The following KCNN2 variants were observed in gnomAD, a reference collection of about 807,000 sequenced individuals.
KCNN2 encodes the protein small conductance calcium-activated potassium channel protein 2.
A neutral mutation model predicts 55.5 loss-of-function variants in KCNN2; 24 were observed. The ratio of observed to expected loss-of-function variants is 0.43; its 90% confidence interval spans 0.31 to 0.61. KCNN2 has a LOEUF of 0.61. KCNN2 is among the 20% of genes least tolerant of loss of function. KCNN2 has a pLI of 0.08. For synonymous variants in KCNN2, 431 were observed against 336.1 expected, an observed-to-expected ratio of 1.28 and a Z score of -3.09; for missense variants, 754 against 853.6, an observed-to-expected ratio of 0.88 and a Z score of 1.45.
At chr5:114,476,398 C>T (rs1234577821) in intron 5 of KCNN2, among the ~76,000 whole-genome samples, 1 of 151,370 alleles carries the variant, frequency 6.6e-6, no homozygotes, top group Non-Finnish European at 1.5e-5. Flanking sequence ...TCTTATAGGT[C>T]TGAGAAATAT....
chr5:114,440,620 G>T (rs1464248191), intron 3 of KCNN2, among the ~76,000 whole-genome samples: 2 of 133,588 alleles, frequency 1.5e-5, no homozygotes, highest in African/African-American at 5.5e-5. Context: ...CATGGTACAG[G>T]TGTGATTAGA....
chr5:114,419,738 C>A (rs1318812215), intron 3 of KCNN2, among the ~76,000 whole-genome samples: 1 of 152,132 alleles, frequency 6.6e-6, no homozygotes, highest in Non-Finnish European at 1.5e-5. Flanking sequence ...TGCCTGTTAT[C>A]CCAGCAATTG....
At chr5:114,248,800 A>G (rs909452675) in intron 2 of KCNN2, among the ~76,000 whole-genome samples, 4 of 152,204 alleles carry the variant, frequency 2.6e-5, no homozygotes, top group African/African-American at 9.7e-5. Context: ...CATAATATTA[A>G]CAAATTTTTT....
chr5:114,206,185 G>A (rs1252383277), intron 1 of KCNN2, among the ~76,000 whole-genome samples: 3 of 152,106 alleles, frequency 2.0e-5, no homozygotes, highest in African/African-American at 7.2e-5. Flanking sequence ...ATATGAAATA[G>A]GAATATTCTT....
At chr5:114,432,702 C>A (rs933071671) in intron 3 of KCNN2, among the ~76,000 whole-genome samples, 1 of 152,154 alleles carries the variant, frequency 6.6e-6, no homozygotes, top group Non-Finnish European at 1.5e-5. Context: ...GAGCGGGAAC[C>A]GGGGCTGTGC....
chr5:114,189,551 G>T (rs1753408015), intron 1 of KCNN2, among the ~76,000 whole-genome samples: 1 of 152,144 alleles, frequency 6.6e-6, no homozygotes, highest in South Asian at 2.1e-4. Flanking sequence ...GCACCCTGTT[G>T]TCCAATCAAA....
At chr5:114,276,328 G>T (rs1250940197) in intron 2 of KCNN2, among the ~76,000 whole-genome samples, 2 of 152,162 alleles carry the variant, frequency 1.3e-5, no homozygotes, top group Non-Finnish European at 2.9e-5. Context: ...GGAGAGTTCT[G>T]TATATGTCTA....
At chr5:114,359,139 T>G (rs912108143), upstream of KCNN2, among the ~76,000 whole-genome samples, 1 of 152,242 alleles carries the variant, frequency 6.6e-6, no homozygotes, top group Non-Finnish European at 1.5e-5. Context: ...TGATTTGCTC[T>G]CTGTCCAATC....
At chr5:114,073,951 T>C (rs913941784) in intron 1 of KCNN2, among the ~76,000 whole-genome samples, 4 of 152,226 alleles carry the variant, frequency 2.6e-5, no homozygotes, top group Admixed American at 2.6e-4. Flanking sequence ...ACATAGGGTT[T>C]CATTTAATAT....
chr5:114,392,551 T>A (rs1431062629), intron 2 of KCNN2, among the ~76,000 whole-genome samples: 1 of 152,214 alleles, frequency 6.6e-6, no homozygotes, highest in East Asian at 1.9e-4. Flanking sequence ...TTTGCTCGTT[T>A]CTTCTGAGTT....
At chr5:114,444,781 A>G (rs72801838) in intron 3 of KCNN2, among the ~76,000 whole-genome samples, 6,955 of 152,224 alleles carry the variant, frequency 0.046, 227 homozygotes, top group Non-Finnish European at 0.062. Context: ...GCTGACCTGA[A>G]GCTTCACAAA....
At chr5:114,266,228 G>A (rs146390481) in intron 2 of KCNN2, among the ~76,000 whole-genome samples, 5 of 152,052 alleles carry the variant, frequency 3.3e-5, no homozygotes, top group Admixed American at 1.3e-4. Context: ...ACACATTTCA[G>A]TTCAGTCCAG....
chr5:114,234,384 A>C (rs1561533858), intron 2 of KCNN2, among the ~76,000 whole-genome samples: 1 of 152,240 alleles, frequency 6.6e-6, no homozygotes, highest in Non-Finnish European at 1.5e-5. Flanking sequence ...GGACTGAGAC[A>C]GACATGCACA....
intron 3 of KCNN2, among the ~76,000 whole-genome samples, chr5:114,458,663 A>T (rs1231405805): frequency 6.6e-6 from 1 of 152,208 alleles, no homozygotes. Context: ...AGATGAGTGA[A>T]TTCCACATTA....
intron 3 of KCNN2, among the ~76,000 whole-genome samples, chr5:114,459,858 T>C (rs1761113127): frequency 6.6e-6 from 1 of 152,150 alleles, no homozygotes; most frequent in African/African-American, 2.4e-5. Flanking sequence ...TAGTAAATAT[T>C]AATTGAGTGA....
At chr5:114,151,615 T>G (rs1205097639) in intron 1 of KCNN2, among the ~76,000 whole-genome samples, 1 of 152,216 alleles carries the variant, frequency 6.6e-6, no homozygotes, top group Non-Finnish European at 1.5e-5. Flanking sequence ...TGATGGTATG[T>G]GGACACACTT....
intron 2 of KCNN2, among the ~76,000 whole-genome samples, chr5:114,250,152 A>G (rs1754829333): frequency 6.6e-6 from 1 of 152,208 alleles, no homozygotes; most frequent in African/African-American, 2.4e-5. Flanking sequence ...GTAGCCTTAT[A>G]AAGAACCAGG....
At chr5:114,407,365 G>A (rs1293945093) in intron 3 of KCNN2, among the ~76,000 whole-genome samples, 1 of 151,776 alleles carries the variant, frequency 6.6e-6, no homozygotes, top group African/African-American at 2.4e-5. Context: ...TTTCTATTGG[G>A]ATTTTACTTC....
At chr5:114,269,358 A>G (rs530469483) in intron 2 of KCNN2, among the ~76,000 whole-genome samples, 12 of 152,198 alleles carry the variant, frequency 7.9e-5, no homozygotes, top group South Asian at 6.2e-4. Context: ...CTAACTTCCA[A>G]ACTGATTCTT....
Sources: allele counts gnomAD v4.1 joint callset (sites outside exome capture counted in the v4.1 genomes callset), GRCh38; gene constraint gnomAD v4.1.1; transcripts MANE v1.5; gene names NCBI Gene and HGNC (gene_info 2026-07-23, HGNC 2026-07-21).